Variants in SLIT3 observed in about 807,000 individuals in gnomAD.
SLIT3 encodes slit homolog 3 protein.
Under a neutral mutation model 184.0 loss-of-function variants are expected in SLIT3, and 68 were observed. The observed-to-expected ratio is 0.37, with a 90% CI of 0.30 to 0.45. The LOEUF is 0.45. Among genes scored for constraint, SLIT3 ranks in the 20% least tolerant of loss-of-function variants. The pLI, the probability that SLIT3 is intolerant of heterozygous loss-of-function variation, is 1.00. For missense variants in SLIT3, 1,707 were observed against 2,026.0 expected (o/e 0.84, Z 3.02); for synonymous variants, 831 against 828.6 (o/e 1.00, Z -0.05).
chr5:169,192,137 T>G (rs1402606930), intron 4 of SLIT3, among the ~76,000 whole-genome samples: 1 of 152,196 alleles, frequency 6.6e-6, no homozygotes, highest in Non-Finnish European at 1.5e-5. Context: ...CCAGCTCTTC[T>G]GGACCCCCGG....
chr5:169,171,356 C>T (rs954401978), intron 4 of SLIT3, among the ~76,000 whole-genome samples: 1 of 152,140 alleles, frequency 6.6e-6, no homozygotes, highest in Non-Finnish European at 1.5e-5. Flanking sequence ...GGCAAGGTAT[C>T]CCAGGCAGGG....
intron 1 of SLIT3, among the ~76,000 whole-genome samples, chr5:169,268,494 C>T (rs1006989243): frequency 6.6e-6 from 1 of 152,210 alleles, no homozygotes; most frequent in Non-Finnish European, 1.5e-5. Context: ...CAAGGCTCTT[C>T]CAATTTGAAT....
intron 14 of SLIT3, 104 bp from the exon 15 acceptor site, chr5:168,762,793 G>C (rs1013825721): frequency 9.1e-7 from 1 of 1,101,306 alleles, no homozygotes; most frequent in Non-Finnish European, 1.3e-6. Flanking sequence ...AATGAGTTGG[G>C]GGCTGTTAGG....
At chr5:169,033,791 G>GT (rs1457201546) in intron 4 of SLIT3, among the ~76,000 whole-genome samples, 1 of 147,918 alleles carries the variant, frequency 6.8e-6, no homozygotes, top group Non-Finnish European at 1.5e-5. Context: ...GGGTTATGTG[G>GT]TTTTTCCACT....
In SLIT3 at chr5:168,769,979, C is replaced by T. The variant is rs77471673; in HGVS notation, c.1459+2802G>A. Among the ~76,000 whole-genome samples, 1,276 of 152,270 alleles carry T rather than the reference C, an allele frequency of 8.4e-3. 20 individuals are homozygous for T. The highest frequency in any genetic ancestry group is 0.029 in the African/African-American group (1,204 of 41,530). ...ATTCCTTGAGAGCTATCTTGCTGTT[C>T]GCCGTCTTTGGACACTTTGCGTCAC... On this transcript the variant is annotated intron_variant, in intron 14 of 35. Transcript: ENST00000519560.
chr5:169,170,184 C>T (rs961076453), intron 4 of SLIT3, among the ~76,000 whole-genome samples: 3 of 152,218 alleles, frequency 2.0e-5, no homozygotes, highest in Non-Finnish European at 4.4e-5. Context: ...CGCCTCCACA[C>T]CCACTGGCTT....
chr5:169,206,491 G>A (rs62376886), intron 3 of SLIT3, among the ~76,000 whole-genome samples: 4,141 of 152,314 alleles, frequency 0.027, 93 homozygotes, highest in Non-Finnish European at 0.046. Flanking sequence ...AGATATCAGG[G>A]AGGGCAGGTA....
At chr5:168,964,804 C>T (rs1321197538) in intron 4 of SLIT3, among the ~76,000 whole-genome samples, 2 of 152,158 alleles carry the variant, frequency 1.3e-5, no homozygotes, top group Non-Finnish European at 2.9e-5. Context: ...ACCCCTTTGC[C>T]ATAAGGCATG....
chr5:169,181,612 G>A lies in SLIT3; in HGVS notation c.413+11867C>T, dbSNP rs548247245. ...AAAAATTAGCTGGGTGTGGTGGCGCGTACCTGTAGTCCCAGCTACTCAGGA... is the reference window on the plus strand; with the variant it reads ...AAAAATTAGCTGGGTGTGGTGGCGCATACCTGTAGTCCCAGCTACTCAGGA... On this transcript the variant is annotated intron_variant, in intron 4 of 35. Coordinates refer to ENST00000519560, the MANE Select transcript of SLIT3 (RefSeq NM_003062.4). Among the ~76,000 whole-genome samples, 735 of 151,908 alleles carry A rather than the reference G, an allele frequency of 4.8e-3. 22 individuals carry two copies. The highest frequency in any genetic ancestry group is 3.4e-3 in the Middle Eastern group (1 of 294).
intron 9 of SLIT3, among the ~76,000 whole-genome samples, chr5:168,800,751 T>C (rs924488623): frequency 6.6e-6 from 1 of 152,130 alleles, no homozygotes; most frequent in Non-Finnish European, 1.5e-5. Context: ...AAAGCAGAGG[T>C]ACAGACACAG....
intron 4 of SLIT3, among the ~76,000 whole-genome samples, chr5:169,140,306 T>C (rs891939340): frequency 1.5e-3 from 34 of 22,296 alleles, no homozygotes; most frequent in African/African-American, 2.3e-3. Flanking sequence ...CTACTAAAAA[T>C]GCAAAAAAAA....
At chr5:169,213,391 G>T (rs1354899792) in intron 3 of SLIT3, among the ~76,000 whole-genome samples, 2 of 152,124 alleles carry the variant, frequency 1.3e-5, no homozygotes, top group Non-Finnish European at 2.9e-5. Flanking sequence ...TCCCTATCAA[G>T]CTGCCATTGG....
intron 4 of SLIT3, among the ~76,000 whole-genome samples, chr5:168,942,762 G>C (rs1003900484): frequency 6.1e-5 from 4 of 65,142 alleles, no homozygotes; most frequent in African/African-American, 3.6e-4. Context: ...GGCCTCTGGA[G>C]TTTGTGGGGG....
chr5:169,142,633 C>T (rs1242902840), intron 4 of SLIT3, among the ~76,000 whole-genome samples: 3 of 152,222 alleles, frequency 2.0e-5, no homozygotes, highest in African/African-American at 4.8e-5. Context: ...GTCAACAGAA[C>T]CCATAGGGTG....
Position 168,696,569 on chromosome 5 carries a change from C to T in SLIT3, c.2943-138G>A, listed in dbSNP as rs912855258. ...TGGAGGTCTGAGAAAGCACTTTGGA[C>T]ACATGAGGCCTTGGGGTCCTGAGCA... On this transcript the variant is annotated intron_variant, in intron 27 of 35. Coordinates refer to ENST00000519560, the MANE Select transcript of SLIT3 (RefSeq NM_003062.4). The T allele has an allele frequency of 1.8e-5, 16 of 911,994 alleles. No homozygotes were observed. In the African/African-American group the frequency reaches 2.0e-4, roughly 11 times the overall value. The allele number at this position is 911,994 out of a possible 1,614,324, so 56.5% of individuals were successfully genotyped here. A position where few individuals can be genotyped will look rare whatever the true frequency, so the allele number is the denominator to read the frequency against.
At chr5:168,687,805 C>A (rs1373574139) in intron 29 of SLIT3, among the ~76,000 whole-genome samples, 3 of 152,186 alleles carry the variant, frequency 2.0e-5, no homozygotes, top group African/African-American at 7.2e-5. Context: ...ACTGTTTGCA[C>A]TCTGAGATTC....
chr5:168,866,842 T>C (rs1759321264), intron 5 of SLIT3, among the ~76,000 whole-genome samples: 1 of 152,234 alleles, frequency 6.6e-6, no homozygotes. Context: ...TTGAAGTGCT[T>C]ACTGTGTGTT....
At chr5:169,287,742 T>C (rs1027976638) in intron 1 of SLIT3, among the ~76,000 whole-genome samples, 1 of 152,176 alleles carries the variant, frequency 6.6e-6, no homozygotes, top group Non-Finnish European at 1.5e-5. Flanking sequence ...TGCCAGCTTC[T>C]AGCAGGAGGG....
intron 4 of SLIT3, among the ~76,000 whole-genome samples, chr5:169,063,659 C>T (rs769306845): frequency 2.6e-5 from 4 of 152,164 alleles, no homozygotes; most frequent in South Asian, 2.1e-4. Flanking sequence ...GTGTGTGATG[C>T]GGACACCATA....
Sources: gnomAD v4.1 joint callset for allele counts (sites outside exome capture counted in the v4.1 genomes callset) on GRCh38, gnomAD v4.1.1 for gene constraint, MANE v1.5 for transcripts, NCBI Gene and HGNC (gene_info 2026-07-23, HGNC 2026-07-21) for gene names.